Variants in ZNF69 observed in about 807,000 individuals in gnomAD.
ZNF69 encodes ZNF3.
Under a neutral mutation model 50.9 loss-of-function variants are expected in ZNF69, and 47 were observed. That is an observed-to-expected ratio of 0.92 (90% CI 0.73 to 1.18). The LOEUF is 1.18. Among genes scored for constraint, ZNF69 ranks in the 50% most tolerant of loss-of-function variants. The probability of loss-of-function intolerance (pLI) is 0.00; values close to 1 mark genes in which losing one functional copy is unlikely to be tolerated. For synonymous variants in ZNF69, 216 were observed against 223.1 expected (o/e 0.97, Z 0.29); for missense variants, 717 against 675.1 (o/e 1.06, Z -0.69).
chr19:11,899,030 T>C (rs959931185), intron 1 of ZNF69, among the ~76,000 whole-genome samples: 2 of 152,194 alleles, frequency 1.3e-5, no homozygotes, highest in Non-Finnish European at 2.9e-5. Flanking sequence ...GTGTCATGTA[T>C]CCACCATCAC....
chr19:11,926,850 G>A, the ZNF69 span, among the ~76,000 whole-genome samples: 3 of 152,162 alleles, frequency 2.0e-5, no homozygotes, highest in African/African-American at 7.2e-5. Flanking sequence ...TCAGTTGGAA[G>A]AGTTTATTCA....
the ZNF69 span, among the ~76,000 whole-genome samples, chr19:11,937,185 T>C: frequency 6.6e-6 from 1 of 152,226 alleles, no homozygotes; most frequent in African/African-American, 2.4e-5. Context: ...TCACAAGTGT[T>C]ACGTTCTAGA....
Position 11,906,162 on chromosome 19 carries a change from C to A in ZNF69, c.*64C>A, listed in dbSNP as rs1014923614. On this transcript the variant is annotated 3_prime_UTR_variant, in exon 4 of 4. Coordinates refer to ENST00000429654, the MANE Select transcript of ZNF69 (RefSeq NM_001364730.1). ...TGGTAGGACACACAATCAAGAGAAA[C>A]CATGAATGTAAAGAATGTGGGAAAC... 7 of 1,573,096 alleles carry A rather than the reference C, an allele frequency of 4.4e-6. No individual in the cohort carries two copies. The highest frequency in any genetic ancestry group is 6.0e-6 in the Non-Finnish European group (7 of 1,166,358).
At chr19:11,977,224 A>T in the ZNF69 span, 486 of 1,608,782 alleles carry the variant, frequency 3.0e-4, no homozygotes, top group Non-Finnish European at 3.9e-4. Context: ...CTAGCTCATG[A>T]ATGCTGTTGA....
chr19:11,921,476 G>A, the ZNF69 span, among the ~76,000 whole-genome samples: 1 of 150,246 alleles, frequency 6.7e-6, no homozygotes, highest in South Asian at 2.1e-4. Context: ...GCCCTGAAAT[G>A]GAAAATTTCT....
the ZNF69 span, among the ~76,000 whole-genome samples, chr19:11,933,781 C>T: frequency 6.9e-6 from 1 of 144,764 alleles, no homozygotes; most frequent in Non-Finnish European, 1.5e-5. Context: ...GGAGGCGGAG[C>T]TTGCAGTGAG....
At chr19:11,929,704 C>T in the ZNF69 span, among the ~76,000 whole-genome samples, 6 of 147,966 alleles carry the variant, frequency 4.1e-5, 1 homozygote, top group Non-Finnish European at 5.9e-5. Flanking sequence ...ACTGGTTCCC[C>T]CTTATATTTT....
the ZNF69 span, among the ~76,000 whole-genome samples, chr19:11,931,988 G>A: frequency 1.3e-4 from 19 of 147,768 alleles, no homozygotes; most frequent in East Asian, 3.7e-3. Context: ...GGTGGCAGAG[G>A]CCTGTAATCT....
Position 11,893,544 on chromosome 19 carries a change from A to C in ZNF69, c.63+5558A>C, listed in dbSNP as rs568230304. Among the ~76,000 whole-genome samples, 297 of 152,296 alleles carry C rather than the reference A, an allele frequency of 2.0e-3. 2 individuals are homozygous for C. The highest frequency in any genetic ancestry group is 3.5e-3 in the Non-Finnish European group (238 of 68,016). On this transcript the variant is annotated intron_variant, in intron 1 of 3. Transcript: ENST00000429654. ...TCTCCTCCTTTTATCTTTCCTAGAC[A>C]CAGTCACCTTATCAGGATGTCTTTG...
chr19:11,957,091 G>C, the ZNF69 span, among the ~76,000 whole-genome samples: 122,044 of 146,652 alleles, frequency 0.83, 50,978 homozygotes, highest in Middle Eastern at 0.88. Flanking sequence ...TAAGAAATAA[G>C]TTTTTTTTTT....
the ZNF69 span, chr19:11,948,432 A>G: frequency 6.2e-7 from 1 of 1,614,210 alleles, no homozygotes; most frequent in Non-Finnish European, 8.5e-7. Context: ...AAGTTGGCAT[A>G]GGTAACTCAT....
At chr19:11,937,709 C>T in the ZNF69 span, among the ~76,000 whole-genome samples, 837 of 151,982 alleles carry the variant, frequency 5.5e-3, 7 homozygotes, top group African/African-American at 0.02. Flanking sequence ...AGGATGGTCT[C>T]GATCTCCTGA....
chr19:11,948,843 T>G, the ZNF69 span: 1 of 1,608,920 alleles, frequency 6.2e-7, no homozygotes, highest in Non-Finnish European at 8.5e-7. Flanking sequence ...GAACTCACAC[T>G]GGGGAGAAGC....
At chr19:11,924,269 G>GAAAATACA in the ZNF69 span, among the ~76,000 whole-genome samples, 1 of 151,732 alleles carries the variant, frequency 6.6e-6, no homozygotes, top group Non-Finnish European at 1.5e-5. Flanking sequence ...CGTCTCCACT[G>GAAAATACA]AAAATACAAA....
chr19:11,962,255 A>G, the ZNF69 span, among the ~76,000 whole-genome samples: 2 of 152,180 alleles, frequency 1.3e-5, no homozygotes, highest in Non-Finnish European at 2.9e-5. Context: ...TGTCTCTACT[A>G]AAAATACAAA....
chr19:11,905,047 A>T lies in ZNF69; in HGVS notation c.650A>T (p.Asp217Val). 1 of 1,614,198 alleles carries T rather than the reference A, an allele frequency of 6.2e-7. No homozygotes were observed. The highest frequency in any genetic ancestry group is 8.5e-7 in the Non-Finnish European group (1 of 1,180,030). The change falls in exon 4 of 4, where the codon GAT (aspartate) becomes GTT (valine). Residue 217 changes from aspartate to valine, a missense_variant. Transcript: ENST00000429654. ...IQRHVVMHSG[D>V]GPYKCKFCGK... ...AGACACGTGGTAATGCACAGTGGGG[A>T]TGGACCTTATAAATGTAAATTTTGT...
the ZNF69 span, chr19:11,947,660 C>G: frequency 8.2e-7 from 1 of 1,217,668 alleles, no homozygotes; most frequent in Non-Finnish European, 1.2e-6. Context: ...AAACAAAGAA[C>G]TAAATCCAGC....
chr19:11,900,501 C>T lies in ZNF69; in HGVS notation c.64-3072C>T, dbSNP rs189279756. 2.3e-3 allele frequency among the ~76,000 whole-genome samples: 356 copies of T among 152,064 alleles called. 2 individuals are homozygous for T. The highest frequency in any genetic ancestry group is 7.0e-3 in the African/African-American group (292 of 41,490). On this transcript the variant is annotated intron_variant, in intron 1 of 3. Coordinates refer to ENST00000429654, the MANE Select transcript of ZNF69 (RefSeq NM_001364730.1). ...CTGAGTAACTGGGATTACAGGCTCA[C>T]GCCACCAGGCCCAGCTAATTTTTGT...
chr19:11,937,047 A>G, the ZNF69 span, among the ~76,000 whole-genome samples: 2 of 152,104 alleles, frequency 1.3e-5, no homozygotes, highest in Non-Finnish European at 2.9e-5. Flanking sequence ...ATTGGTCTAT[A>G]TATCTGTTTT....
Sources: gnomAD v4.1 joint callset for allele counts (sites outside exome capture counted in the v4.1 genomes callset) on GRCh38, gnomAD v4.1.1 for gene constraint, MANE v1.5 for transcripts, NCBI Gene and HGNC (gene_info 2026-07-23, HGNC 2026-07-21) for gene names.